The following NXN variants were observed in gnomAD, a reference collection of about 807,000 sequenced individuals.
NXN encodes nucleoredoxin, also known as nucleoredoxin 1.
In NXN, 16 loss-of-function variants were observed where a neutral mutation model predicts 48.6. That is an observed-to-expected ratio of 0.33 (90% confidence interval 0.22 to 0.50). NXN has a LOEUF of 0.50. Among genes scored for constraint, NXN ranks in the 20% least tolerant of loss-of-function variants. NXN has a pLI of 0.98. For synonymous variants in NXN, 281 were observed against 269.6 expected (o/e 1.04, Z -0.41); for missense variants, 492 against 605.5 (o/e 0.81, Z 1.97).
chr17:841,907 T>C (rs530729044), intron 1 of NXN, among the ~76,000 whole-genome samples: 4 of 152,092 alleles, frequency 2.6e-5, no homozygotes, highest in African/African-American at 9.6e-5. Context: ...GAGGCCGAGG[T>C]GGGCGGATCA....
At chr17:810,149 GAC>G (rs1911875770) in intron 5 of NXN, among the ~76,000 whole-genome samples, 1 of 138,130 alleles carries the variant, frequency 7.2e-6, no homozygotes, top group African/African-American at 2.8e-5. Context: ...ACGAGTCTGT[GAC>G]TGGCGTGCAC....
chr17:801,506 C>T (rs2144554436), intron 7 of NXN, among the ~76,000 whole-genome samples: 1 of 130,422 alleles, frequency 7.7e-6, no homozygotes, highest in African/African-American at 2.9e-5. Context: ...AGTGCAGTGG[C>T]ACGATCTCGG....
chr17:848,019 C>T (rs565074579), intron 1 of NXN, among the ~76,000 whole-genome samples: 1 of 152,040 alleles, frequency 6.6e-6, no homozygotes, highest in South Asian at 2.1e-4. Context: ...CAAAACGGGG[C>T]GAGTGAAGGA....
At chr17:846,341 C>G (rs1318048014) in intron 1 of NXN, among the ~76,000 whole-genome samples, 2 of 144,240 alleles carry the variant, frequency 1.4e-5, no homozygotes, top group African/African-American at 5.2e-5. Context: ...TGCGTGAACC[C>G]GGGAGGTGGA....
intron 5 of NXN, among the ~76,000 whole-genome samples, chr17:818,042 T>G (rs1252767943): frequency 6.6e-6 from 1 of 151,748 alleles, no homozygotes; most frequent in Non-Finnish European, 1.5e-5. Context: ...GTGGATCACT[T>G]GAGCCCATGA....
chr17:908,203 CCT>C (rs1366103517), intron 1 of NXN, among the ~76,000 whole-genome samples: 2 of 152,140 alleles, frequency 1.3e-5, no homozygotes, highest in East Asian at 1.9e-4. Context: ...AATTCTGACC[CCT>C]GATTTTTCTC....
chr17:948,647 C>T (rs897178809), intron 1 of NXN, among the ~76,000 whole-genome samples: 23 of 151,988 alleles, frequency 1.5e-4, no homozygotes, highest in Non-Finnish European at 2.4e-4. Flanking sequence ...CTCGGTGCTT[C>T]ACGGAACAAA....
intron 1 of NXN, chr17:842,379 T>C (rs892145890): frequency 2.0e-5 from 7 of 342,664 alleles, no homozygotes; most frequent in Non-Finnish European, 2.9e-5. Flanking sequence ...CATGAAAGGC[T>C]AAGAAATGGA....
At chr17:935,255 A>G (rs776257362) in intron 1 of NXN, among the ~76,000 whole-genome samples, 3 of 142,826 alleles carry the variant, frequency 2.1e-5, no homozygotes, top group Non-Finnish European at 4.6e-5. Context: ...TGGCCTCCCA[A>G]AGTGCTGGAA....
intron 1 of NXN, among the ~76,000 whole-genome samples, chr17:868,564 T>C (rs2144799926): frequency 6.6e-6 from 1 of 152,310 alleles, no homozygotes; most frequent in African/African-American, 2.4e-5. Context: ...CGATCTCTGC[T>C]TACTGCAACC....
chr17:955,670 G>A (rs1287767519), intron 1 of NXN, among the ~76,000 whole-genome samples: 1 of 151,154 alleles, frequency 6.6e-6, no homozygotes, highest in Non-Finnish European at 1.5e-5. Context: ...GCCGAGGCGG[G>A]CGGATCACAA....
chr17:970,779 C>A (rs1013783393), intron 1 of NXN, among the ~76,000 whole-genome samples: 1 of 152,146 alleles, frequency 6.6e-6, no homozygotes, highest in Non-Finnish European at 1.5e-5. Flanking sequence ...TTCAATTCTC[C>A]AGCTCTAACA....
intron 1 of NXN, among the ~76,000 whole-genome samples, chr17:834,128 T>C (rs1031817305): frequency 6.6e-6 from 1 of 152,178 alleles, no homozygotes; most frequent in African/African-American, 2.4e-5. Context: ...AAGACCAGCC[T>C]GGACAACATG....
In NXN at chr17:800,838, C is replaced by T; in HGVS notation, c.*111G>A. The T allele has an allele frequency of 1.6e-6, 1 of 640,636 alleles. No homozygotes were observed. The highest frequency in any genetic ancestry group is 2.3e-6 in the Non-Finnish European group (1 of 428,748). 39.7% of individuals were successfully genotyped at this position (640,636 alleles called of 1,614,324 possible). ...AACAAGGCACCACAGAGAGGCTGGA[C>T]ACTTGGGTGGTGGGATTCGGGGCAC... On this transcript the variant is annotated 3_prime_UTR_variant, in exon 8 of 8. Coordinates refer to ENST00000336868, the MANE Select transcript of NXN (RefSeq NM_022463.5).
intron 1 of NXN, among the ~76,000 whole-genome samples, chr17:912,156 T>C (rs1006577567): frequency 2.6e-5 from 4 of 152,012 alleles, no homozygotes; most frequent in African/African-American, 9.7e-5. Flanking sequence ...CAGGCTGGTG[T>C]TGAACTCCTA....
chr17:845,113 G>T (rs2067845544), intron 1 of NXN, among the ~76,000 whole-genome samples: 1 of 152,196 alleles, frequency 6.6e-6, no homozygotes, highest in Non-Finnish European at 1.5e-5. Context: ...ACAGTGAGAA[G>T]CTCCAGTGAG....
intron 5 of NXN, among the ~76,000 whole-genome samples, chr17:814,042 CAT>C (rs1358484807): frequency 6.6e-6 from 1 of 152,010 alleles, no homozygotes; most frequent in Admixed American, 6.5e-5. Flanking sequence ...AGGCAGATCA[CAT>C]GAGGTCAGGA....
intron 1 of NXN, chr17:864,005 A>G: frequency 6.5e-7 from 1 of 1,535,062 alleles, no homozygotes; most frequent in Middle Eastern, 1.7e-4. Flanking sequence ...CGGTGAAAGG[A>G]CACAGTTACC....
chr17:827,722 C>T (rs546924824), intron 1 of NXN, among the ~76,000 whole-genome samples: 35 of 152,364 alleles, frequency 2.3e-4, no homozygotes, highest in African/African-American at 7.9e-4. Flanking sequence ...TTAGGCCGTT[C>T]GGCTCTGAGC....
Sources: allele counts gnomAD v4.1 joint callset (sites outside exome capture counted in the v4.1 genomes callset), GRCh38; gene constraint gnomAD v4.1.1; transcripts MANE v1.5; gene names NCBI Gene and HGNC (gene_info 2026-07-23, HGNC 2026-07-21).